The following DIAPH1 variants were observed in gnomAD, a reference collection of about 807,000 sequenced individuals.
The protein encoded by DIAPH1 is protein diaphanous homolog 1.
Under a neutral mutation model 140.7 loss-of-function variants are expected in DIAPH1, and 46 were observed. That is an observed-to-expected ratio of 0.33 (90% CI 0.26 to 0.42). DIAPH1 has a LOEUF of 0.42. Ranked by LOEUF, DIAPH1 falls within the 10% of genes least tolerant of loss-of-function variation. DIAPH1 has a pLI of 1.00. For synonymous variants in DIAPH1, 565 were observed against 551.6 expected (o/e 1.02, Z -0.34); for missense variants, 1,310 against 1,558.7 (o/e 0.84, Z 2.69).
At chr5:141,607,803 C>T (rs1562349740) in intron 1 of DIAPH1, among the ~76,000 whole-genome samples, 1 of 152,200 alleles carries the variant, frequency 6.6e-6, no homozygotes, top group African/African-American at 2.4e-5. Context: ...CTCTACTCTG[C>T]CAAATCTTGG....
intron 1 of DIAPH1, among the ~76,000 whole-genome samples, chr5:141,604,289 A>G (rs2099900604): frequency 6.6e-6 from 1 of 152,224 alleles, no homozygotes; most frequent in South Asian, 2.1e-4. Flanking sequence ...TATACAGGAA[A>G]CAAAACATAA....
chr5:141,548,352 T>C (rs1049668646), intron 18 of DIAPH1, among the ~76,000 whole-genome samples: 5 of 149,660 alleles, frequency 3.3e-5, no homozygotes, highest in African/African-American at 1.2e-4. Flanking sequence ...AAAAACACAA[T>C]TCATTAGCAG....
rs370849059 is a variant in DIAPH1 at position 141,528,796 on chromosome 5, T to C, written c.2924A>G (p.Asn975Ser). The C allele has an allele frequency of 1.0e-4, 169 of 1,614,184 alleles. No homozygotes were observed. The highest frequency in any genetic ancestry group is 4.1e-4 in the African/African-American group (31 of 75,048). The change falls in exon 22 of 28, where the codon AAT becomes AGT. Residue 975 changes from asparagine (N) to serine (S), a missense_variant. Transcript: ENST00000389054. Reference protein sequence around the residue: ...EELRKSESFSNLLEITLLVGN... With the variant: ...EELRKSESFSSLLEITLLVGN... Reference sequence around the variant, plus strand: ...AACAAGCAAGGTAATCTCTAGGAGATTGGAAAAGCTCTCACTCTTACGTAA... The same window carrying C: ...AACAAGCAAGGTAATCTCTAGGAGACTGGAAAAGCTCTCACTCTTACGTAA...
At chr5:141,518,466 C>T (rs573326917) in intron 27 of DIAPH1, among the ~76,000 whole-genome samples, 9 of 151,716 alleles carry the variant, frequency 5.9e-5, no homozygotes, top group Admixed American at 1.3e-4. Flanking sequence ...TGGAATGAAG[C>T]GCCTTTTTGG....
chr5:141,575,750 A>G (rs2099895872), intron 14 of DIAPH1, among the ~76,000 whole-genome samples: 1 of 152,202 alleles, frequency 6.6e-6, no homozygotes, highest in East Asian at 1.9e-4. Context: ...GTTAAAAAAA[A>G]TAAGATTTTA....
chr5:141,531,772 G>A (rs1424607863), intron 19 of DIAPH1, among the ~76,000 whole-genome samples: 3 of 152,134 alleles, frequency 2.0e-5, no homozygotes, highest in Non-Finnish European at 2.9e-5. Flanking sequence ...ACAGCCATGA[G>A]CCACTGCACC....
intron 18 of DIAPH1, among the ~76,000 whole-genome samples, chr5:141,544,794 A>G (rs936272820): frequency 7.2e-5 from 11 of 152,250 alleles, no homozygotes; most frequent in Non-Finnish European, 1.6e-4. Context: ...GCTAGTGGAA[A>G]TGAAAAATGG....
chr5:141,553,810 G>C (rs996636647), intron 18 of DIAPH1, among the ~76,000 whole-genome samples: 1 of 152,170 alleles, frequency 6.6e-6, no homozygotes, highest in Non-Finnish European at 1.5e-5. Context: ...AGTGAAATCT[G>C]TAGCAGAGGG....
At chr5:141,550,624 T>C (rs985871735) in intron 18 of DIAPH1, 1 of 153,648 alleles carries the variant, frequency 6.5e-6, no homozygotes, top group African/African-American at 2.4e-5. Flanking sequence ...CTTTCTTTTC[T>C]TTTTTTTTCA....
At chr5:141,531,145 T>A (rs2099888158) in intron 19 of DIAPH1, among the ~76,000 whole-genome samples, 1 of 152,210 alleles carries the variant, frequency 6.6e-6, no homozygotes, top group South Asian at 2.1e-4. Flanking sequence ...GACACCAACC[T>A]GCTACCTCTC....
At chr5:141,605,851 G>T (rs781370014) in intron 1 of DIAPH1, among the ~76,000 whole-genome samples, 2 of 152,174 alleles carry the variant, frequency 1.3e-5, no homozygotes, top group East Asian at 3.9e-4. Flanking sequence ...TTCTTCTTGC[G>T]GTTTCAATCA....
intron 1 of DIAPH1, chr5:141,618,556 G>GT (rs1451045286): frequency 4.8e-6 from 2 of 418,550 alleles, no homozygotes; most frequent in Non-Finnish European, 8.8e-6. Flanking sequence ...AGGGCAGAAT[G>GT]TAAGGGCTGG....
At chr5:141,599,905 T>C (rs2099899884) in intron 1 of DIAPH1, among the ~76,000 whole-genome samples, 1 of 152,104 alleles carries the variant, frequency 6.6e-6, no homozygotes, top group African/African-American at 2.4e-5. Context: ...GTTTGTTTGT[T>C]TGTTTTTGAG....
intron 1 of DIAPH1, among the ~76,000 whole-genome samples, chr5:141,591,242 T>C (rs2099898350): frequency 6.6e-6 from 1 of 152,072 alleles, no homozygotes; most frequent in Admixed American, 6.6e-5. Flanking sequence ...TGATCCCTCC[T>C]CTAAATGGAT....
intron 5 of DIAPH1, 69 bp downstream of exon 5, chr5:141,583,416 G>C (rs2099897069): frequency 6.2e-7 from 1 of 1,612,062 alleles, no homozygotes; most frequent in South Asian, 1.1e-5. Flanking sequence ...TGGCTCCTTT[G>C]ATCTTCAATC....
chr5:141,578,607 T>A lies in DIAPH1; in HGVS notation c.952A>T (p.Ile318Phe), dbSNP rs776485917. Residue 318 changes from isoleucine (I) to phenylalanine (F), a missense_variant, in exon 10 of 28, where the codon ATC becomes TTC. Ile to Phe is a conservative substitution (Grantham distance 21). This residue lies in a region of DIAPH1 where 377 missense variants were observed against 497.1 expected (regional missense o/e 0.76). Coordinates refer to ENST00000389054, the MANE Select transcript of DIAPH1 (RefSeq NM_005219.5). ...TCCGCTGGTGTGATGAGAGCATTGATCAGCTGTAGGCATCCAACCTAAAAT... is the reference window on the plus strand; with the variant it reads ...TCCGCTGGTGTGATGAGAGCATTGAACAGCTGTAGGCATCCAACCTAAAAT... ...IALKVGCLQL[I>F]NALITPAEEL... is the part of the protein sequence containing the mutation. 2 of 1,613,286 alleles carry A rather than the reference T, an allele frequency of 1.2e-6. No individual in the cohort carries two copies. Among genetic ancestry groups the A allele is most frequent in the Non-Finnish European group, 1.7e-6 (2 of 1,179,920 alleles).
chr5:141,523,848 C>T (rs913324244), intron 27 of DIAPH1, among the ~76,000 whole-genome samples: 39 of 151,534 alleles, frequency 2.6e-4, no homozygotes, highest in African/African-American at 9.0e-4. Flanking sequence ...ACACAAATGC[C>T]AACTCAAATC....
At chr5:141,609,206 G>A (rs935217769) in intron 1 of DIAPH1, among the ~76,000 whole-genome samples, 1 of 145,862 alleles carries the variant, frequency 6.9e-6, no homozygotes, top group East Asian at 2.0e-4. Context: ...TAGCCACTAC[G>A]CTTTTTACAT....
chr5:141,551,896 T>C (rs923624936), intron 18 of DIAPH1, among the ~76,000 whole-genome samples: 1 of 152,230 alleles, frequency 6.6e-6, no homozygotes, highest in Non-Finnish European at 1.5e-5. Flanking sequence ...GGCAATATTC[T>C]GAGCCCTAAA....
Sources: gnomAD v4.1 joint callset for allele counts (sites outside exome capture counted in the v4.1 genomes callset) on GRCh38, gnomAD v4.1.1 for gene constraint, gnomAD v4.1.1 regional missense constraint, MANE v1.5 for transcripts, NCBI Gene and HGNC (gene_info 2026-07-23, HGNC 2026-07-21) for gene names.